Variants in ADAMTS6 observed in about 807,000 individuals in gnomAD.
ADAMTS6 encodes A disintegrin and metalloproteinase with thrombospondin motifs 6.
Under a neutral mutation model 144.3 loss-of-function variants are expected in ADAMTS6, and 23 were observed. The ratio of observed to expected loss-of-function variants is 0.16; its 90% CI spans 0.11 to 0.23. The LOEUF is 0.23. Ranked by LOEUF, ADAMTS6 falls within the 10% of genes least tolerant of loss-of-function variation. The pLI is 1.00. For missense variants in ADAMTS6, 999 were observed against 1,379.6 expected (o/e 0.72, Z 4.37); for synonymous variants, 444 against 457.5 (o/e 0.97, Z 0.38).
intron 9 of ADAMTS6, among the ~76,000 whole-genome samples, chr5:65,307,804 T>C (rs1323905655): frequency 2.0e-5 from 3 of 152,226 alleles, no homozygotes; most frequent in South Asian, 4.1e-4. Context: ...CACTCTTTTA[T>C]ATCCCAGTCT....
chr5:65,452,419 G>A (rs1758826603), intron 5 of ADAMTS6, among the ~76,000 whole-genome samples: 1 of 145,900 alleles, frequency 6.9e-6, no homozygotes, highest in Non-Finnish European at 1.5e-5. Flanking sequence ...TCCTAGACAT[G>A]AACTACAGCA....
chr5:65,414,101 A>AAG (rs1414166645), intron 7 of ADAMTS6, among the ~76,000 whole-genome samples: 1 of 152,124 alleles, frequency 6.6e-6, no homozygotes, highest in East Asian at 1.9e-4. Flanking sequence ...TCTCTGAAGA[A>AAG]AGAGGCGGGA....
chr5:65,453,828 T>C (rs1296595438), intron 4 of ADAMTS6, among the ~76,000 whole-genome samples: 1 of 152,244 alleles, frequency 6.6e-6, no homozygotes, highest in Non-Finnish European at 1.5e-5. Flanking sequence ...ATTAGATTAA[T>C]ATATGATACA....
At chr5:65,427,831 A>C (rs1333613276) in intron 7 of ADAMTS6, among the ~76,000 whole-genome samples, 1 of 152,018 alleles carries the variant, frequency 6.6e-6, no homozygotes, top group Admixed American at 6.6e-5. Context: ...AGTATGACTC[A>C]AAACAGTATT....
intron 18 of ADAMTS6, among the ~76,000 whole-genome samples, chr5:65,223,270 T>C (rs1580104378): frequency 6.6e-6 from 1 of 152,218 alleles, no homozygotes; most frequent in Non-Finnish European, 1.5e-5. Context: ...TACATAAACA[T>C]TGTGAAATGA....
intron 7 of ADAMTS6, among the ~76,000 whole-genome samples, chr5:65,369,338 A>C (rs1011518256): frequency 4.0e-4 from 61 of 152,374 alleles, no homozygotes; most frequent in African/African-American, 1.4e-3. Context: ...AGTAGACTAT[A>C]GACATTATTA....
chr5:65,341,354 G>C (rs1241786644), intron 7 of ADAMTS6, among the ~76,000 whole-genome samples: 1 of 151,508 alleles, frequency 6.6e-6, no homozygotes, highest in Non-Finnish European at 1.5e-5. Context: ...AACAAAATCA[G>C]AGCAACAATA....
intron 1 of ADAMTS6, among the ~76,000 whole-genome samples, chr5:65,477,998 G>A (rs1015267693): frequency 1.3e-5 from 2 of 151,754 alleles, no homozygotes; most frequent in African/African-American, 2.4e-5. Context: ...GTGGTGGTGC[G>A]CACCTGTAAT....
chr5:65,402,530 T>G (rs907344475), intron 7 of ADAMTS6, among the ~76,000 whole-genome samples: 6 of 152,154 alleles, frequency 3.9e-5, no homozygotes, highest in Non-Finnish European at 8.8e-5. Context: ...TATTATTTAC[T>G]CTCAGCTAAT....
intron 20 of ADAMTS6, among the ~76,000 whole-genome samples, chr5:65,199,678 C>G (rs1204225828): frequency 6.6e-6 from 1 of 152,084 alleles, no homozygotes; most frequent in Non-Finnish European, 1.5e-5. Flanking sequence ...TACATGTATA[C>G]CCAAACTAAA....
chr5:65,175,240 G>A (rs532265787), intron 22 of ADAMTS6, among the ~76,000 whole-genome samples: 2 of 151,398 alleles, frequency 1.3e-5, no homozygotes, highest in African/African-American at 4.9e-5. Context: ...GGAAGAGACA[G>A]AGAGACAAAG....
intron 22 of ADAMTS6, among the ~76,000 whole-genome samples, chr5:65,177,666 G>A (rs1052398590): frequency 1.3e-5 from 2 of 152,168 alleles, no homozygotes; most frequent in African/African-American, 2.4e-5. Context: ...CATTTTACTC[G>A]AGGATCATAA....
At chr5:65,187,534 T>C (rs893582424) in intron 22 of ADAMTS6, among the ~76,000 whole-genome samples, 1 of 152,208 alleles carries the variant, frequency 6.6e-6, no homozygotes, top group Non-Finnish European at 1.5e-5. Context: ...AATTCATACC[T>C]AAGAGTTACG....
At chr5:65,163,283 A>G (rs2112014602) in intron 24 of ADAMTS6, among the ~76,000 whole-genome samples, 1 of 152,256 alleles carries the variant, frequency 6.6e-6, no homozygotes, top group East Asian at 1.9e-4. Flanking sequence ...TTTGTTATGG[A>G]TTTTGAGCCC....
chr5:65,452,354 T>C (rs2150250177), intron 5 of ADAMTS6, 138 bp from the exon 6 acceptor site: 1 of 654,500 alleles, frequency 1.5e-6, no homozygotes. Flanking sequence ...GAACTCTACC[T>C]TCAAGGTGCC....
At chr5:65,403,988 T>C (rs151051248) in intron 7 of ADAMTS6, among the ~76,000 whole-genome samples, 10 of 152,106 alleles carry the variant, frequency 6.6e-5, no homozygotes, top group Non-Finnish European at 1.5e-4. Context: ...AATATTATAC[T>C]TTCTCCCAAT....
At chr5:65,343,487 C>A (rs1748049792) in intron 7 of ADAMTS6, among the ~76,000 whole-genome samples, 1 of 151,972 alleles carries the variant, frequency 6.6e-6, no homozygotes, top group Non-Finnish European at 1.5e-5. Context: ...AACCAGATAA[C>A]CATATGCAAA....
intron 7 of ADAMTS6, among the ~76,000 whole-genome samples, chr5:65,354,858 G>C (rs534074484): frequency 6.6e-6 from 1 of 151,810 alleles, no homozygotes; most frequent in Non-Finnish European, 1.5e-5. Context: ...CTTCAACAAG[G>C]TTTTCCTTGG....
intron 20 of ADAMTS6, among the ~76,000 whole-genome samples, chr5:65,212,401 C>T (rs1468998814): frequency 6.6e-6 from 1 of 150,598 alleles, no homozygotes; most frequent in Non-Finnish European, 1.5e-5. Context: ...GAAAGCTCTC[C>T]CTTCCAGAGG....
Sources: allele counts gnomAD v4.1 joint callset (sites outside exome capture counted in the v4.1 genomes callset), GRCh38; gene constraint gnomAD v4.1.1; transcripts MANE v1.5; gene names NCBI Gene and HGNC (gene_info 2026-07-23, HGNC 2026-07-21).